The following DNAH3 variants were observed in gnomAD, a reference collection of about 807,000 sequenced individuals.
DNAH3 encodes the protein axonemal beta dynein heavy chain 3.
DNAH3 carries 332 observed loss-of-function variants against 432.5 expected under a neutral mutation model. The ratio of observed to expected loss-of-function variants is 0.77; its 90% CI spans 0.70 to 0.84. The LOEUF (loss-of-function observed/expected upper bound fraction) is 0.84. DNAH3 is among the 40% of genes least tolerant of loss of function. The pLI, the probability that DNAH3 is intolerant of heterozygous loss-of-function variation, is 0.00. For missense variants in DNAH3, 4,861 were observed against 5,114.0 expected, an observed-to-expected ratio of 0.95 and a Z score of 1.51; for synonymous variants, 1,956 against 1,900.2, an observed-to-expected ratio of 1.03 and a Z score of -0.76.
At chr16:21,159,410 A>G in exon 1 of DNAH3, 1 of 1,614,074 alleles carries the variant, frequency 6.2e-7, no homozygotes, top group Non-Finnish European at 8.5e-7. Context: ...AGGGGCGGCC[A>G]GTGTGAGCTC....
intron 48 of DNAH3, among the ~76,000 whole-genome samples, chr16:20,984,330 G>T (rs2086079734): frequency 6.6e-6 from 1 of 152,156 alleles, no homozygotes; most frequent in African/African-American, 2.4e-5. Flanking sequence ...AGTTGCAGAG[G>T]TGAGCCTGGG....
chr16:20,955,334 C>CT (rs1054790282), intron 54 of DNAH3, among the ~76,000 whole-genome samples: 4 of 152,110 alleles, frequency 2.6e-5, no homozygotes, highest in African/African-American at 9.7e-5. Flanking sequence ...TGAGGAGGGA[C>CT]TTACTACCTC....
chr16:20,987,816 T>C, exon 46 of DNAH3: 1 of 1,614,104 alleles, frequency 6.2e-7, no homozygotes, highest in Non-Finnish European at 8.5e-7. Flanking sequence ...CTCTATAAAT[T>C]GTCTTAGTAG....
chr16:20,955,105 A>G (rs757780113), intron 54 of DNAH3, 48 bp from the exon 55 acceptor site: 13 of 1,509,650 alleles, frequency 8.6e-6, no homozygotes, highest in Non-Finnish European at 1.2e-5. Context: ...AATAAGTTAT[A>G]GTGAAAAGCA....
At chr16:21,057,997 C>T in intron 27 of DNAH3, 89 bp downstream of exon 27, 1 of 842,596 alleles carries the variant, frequency 1.2e-6, no homozygotes, top group Admixed American at 1.8e-5. Context: ...TTTGTTTAGA[C>T]AACAAAACAT....
intron 35 of DNAH3, 34 bp from the exon 36 acceptor site, chr16:21,034,119 TCATTGCAACGCTCCCC>T (rs766647887): frequency 7.1e-7 from 1 of 1,405,018 alleles, no homozygotes; most frequent in East Asian, 2.3e-5. Flanking sequence ...AAGAAGCTAA[TCATTGCAACGCTCCCC>T]CATTGTGAGT....
At position 20,964,634 on chromosome 16, in the gene DNAH3, G is replaced by A. The variant is rs1227146188; in HGVS notation, c.9250C>T (p.Pro3084Ser). 7 of 1,613,982 alleles carry A rather than the reference G, an allele frequency of 4.3e-6. No individual in the cohort carries two copies. Among genetic ancestry groups the A allele is most frequent in the Non-Finnish European group, 3.4e-6 (4 of 1,180,040 alleles). ...ATCCATTTATTGGCCTGCCCGTGAG[G>A]GTCAATCATTAAGGCCCAGCGTCTG... is the stretch of plus-strand genomic sequence containing the variant. Residue 3084 changes from proline (P) to serine (S), a missense_variant, in exon 53 of 62, where the codon CCT (proline) becomes TCT (serine). Pro to Ser is a moderately conservative substitution (Grantham distance 74, BLOSUM62 -1). Transcript: ENST00000261383.
At chr16:21,022,898 C>A (rs986244676) in intron 39 of DNAH3, among the ~76,000 whole-genome samples, 2 of 152,074 alleles carry the variant, frequency 1.3e-5, no homozygotes, top group African/African-American at 4.8e-5. Flanking sequence ...CAGGCACATG[C>A]CATCATGCTC....
In DNAH3 at chr16:21,125,169, A is replaced by T. The variant is rs2092421731; in HGVS notation, c.1404+6T>A. The T allele has an allele frequency of 6.3e-7, 1 of 1,593,084 alleles. No homozygotes were observed. The highest frequency in any genetic ancestry group is 8.6e-7 in the Non-Finnish European group (1 of 1,167,536). Reference sequence around the variant, plus strand: ...CAAAAGGTCCAAATGCAGGTCCCTGACTTACTTTGTGTATCATGAAAAGGG... The same window carrying T: ...CAAAAGGTCCAAATGCAGGTCCCTGTCTTACTTTGTGTATCATGAAAAGGG... On this transcript the variant is annotated splice_donor_region_variant and intron_variant, in intron 9 of 61. Coordinates refer to ENST00000261383, the Ensembl canonical transcript of DNAH3.
chr16:20,978,281 C>A (rs771870048), intron 50 of DNAH3, among the ~76,000 whole-genome samples: 1 of 152,192 alleles, frequency 6.6e-6, no homozygotes, highest in Non-Finnish European at 1.5e-5. Context: ...GTAATCCCAG[C>A]ACTTTGGGAG....
At chr16:20,959,222 A>G in exon 54 of DNAH3, 1 of 1,614,134 alleles carries the variant, frequency 6.2e-7, no homozygotes. Context: ...ACCTCCTCAC[A>G]AATCTTCTCC....
At chr16:21,146,037 C>T (rs766426438) in exon 2 of DNAH3, 5 of 1,613,972 alleles carry the variant, frequency 3.1e-6, no homozygotes, top group Admixed American at 1.7e-5. Flanking sequence ...GGAGGCAGCT[C>T]TGGCTGCCCC....
intron 36 of DNAH3, among the ~76,000 whole-genome samples, chr16:21,031,921 G>A (rs997575289): frequency 2.6e-5 from 4 of 152,058 alleles, no homozygotes; most frequent in East Asian, 1.9e-4. Context: ...CCAGCCATTC[G>A]CCACTTGGGA....
At chr16:20,982,971 TG>T in intron 48 of DNAH3, 85 bp from the exon 49 acceptor site, 1 of 1,472,266 alleles carries the variant, frequency 6.8e-7, no homozygotes, top group Middle Eastern at 2.0e-4. Context: ...AGGATTCTGG[TG>T]GGGTAAGTGG....
At chr16:20,950,969 C>T (rs903881666) in intron 56 of DNAH3, among the ~76,000 whole-genome samples, 22 of 151,978 alleles carry the variant, frequency 1.4e-4, no homozygotes, top group African/African-American at 5.1e-4. Flanking sequence ...GCTACAGGTG[C>T]ACAACACCAT....
intron 38 of DNAH3, among the ~76,000 whole-genome samples, chr16:21,026,718 A>G (rs2088578427): frequency 6.6e-6 from 1 of 151,060 alleles, no homozygotes; most frequent in Non-Finnish European, 1.5e-5. Context: ...AAAAAAAAAA[A>G]AAAAAGAAGG....
At position 21,024,536 on chromosome 16, in the gene DNAH3, C is replaced by T. The variant is rs910625950; in HGVS notation, c.5646+60G>A. 8 of 1,261,282 alleles carry T rather than the reference C, an allele frequency of 6.3e-6. No homozygotes were observed. In the Admixed American group the frequency reaches 1.4e-4, roughly 22 times the overall value. 78.1% of individuals were successfully genotyped at this position (1,261,282 alleles called of 1,614,324 possible). A position where few individuals can be genotyped will look rare whatever the true frequency, so the allele number is the denominator to read the frequency against. ...TGAAGGTGAAGATGTACCTAGAAGA[C>T]CCTCGAGATGAAAAGCAGGGAGACA... On this transcript the variant is annotated intron_variant, in intron 39 of 61. Coordinates refer to ENST00000261383, the Ensembl canonical transcript of DNAH3.
chr16:21,000,612 T>A, intron 42 of DNAH3, 94 bp from the exon 43 acceptor site: 1 of 1,127,646 alleles, frequency 8.9e-7, no homozygotes, highest in Non-Finnish European at 1.3e-6. Flanking sequence ...TCTAGCTCCA[T>A]CCCTTACTAT....
At chr16:21,105,970 A>G (rs2091935872) in intron 15 of DNAH3, among the ~76,000 whole-genome samples, 1 of 151,514 alleles carries the variant, frequency 6.6e-6, no homozygotes, top group East Asian at 2.0e-4. Flanking sequence ...TCATGAGGTC[A>G]AGAGATAGAG....
Sources: gnomAD v4.1 joint callset for allele counts (sites outside exome capture counted in the v4.1 genomes callset) on GRCh38, gnomAD v4.1.1 for gene constraint, MANE v1.5 for transcripts, NCBI Gene and HGNC (gene_info 2026-07-23, HGNC 2026-07-21) for gene names.